Variants in ECHDC1 observed in about 807,000 individuals in gnomAD.
ECHDC1 encodes the protein ethylmalonyl-CoA decarboxylase 1.
In ECHDC1, 29 loss-of-function variants were observed where a neutral mutation model predicts 29.7. The ratio of observed to expected loss-of-function variants is 0.98; its 90% CI spans 0.73 to 1.33. The LOEUF (loss-of-function observed/expected upper bound fraction) is 1.33, where lower values mean the gene tolerates loss of function less well. Among genes scored for constraint, ECHDC1 ranks in the 40% most tolerant of loss-of-function variants. The pLI, the probability that ECHDC1 is intolerant of heterozygous loss-of-function variation, is 0.00. For synonymous variants in ECHDC1, 126 were observed against 123.1 expected (o/e 1.02, Z -0.15); for missense variants, 328 against 350.0 (o/e 0.94, Z 0.50).
intron 1 of ECHDC1, among the ~76,000 whole-genome samples, chr6:127,340,253 C>T (rs1202557692): frequency 6.6e-6 from 1 of 152,206 alleles, no homozygotes; most frequent in African/African-American, 2.4e-5. Context: ...GATGCATTTT[C>T]TATAACTTTC....
At chr6:127,334,369 G>A (rs911927201) in intron 1 of ECHDC1, among the ~76,000 whole-genome samples, 1 of 151,950 alleles carries the variant, frequency 6.6e-6, no homozygotes, top group Non-Finnish European at 1.5e-5. Context: ...GTATGCAATG[G>A]CCCTCCAAAA....
chr6:127,306,030 AG>A (rs1320675532), intron 5 of ECHDC1, among the ~76,000 whole-genome samples: 1 of 151,580 alleles, frequency 6.6e-6, no homozygotes, highest in African/African-American at 2.4e-5. Context: ...AAAAAAAAAA[AG>A]ACCAAATGAT....
intron 5 of ECHDC1, among the ~76,000 whole-genome samples, chr6:127,308,736 A>C (rs1441421164): frequency 2.0e-5 from 3 of 152,158 alleles, no homozygotes; most frequent in Non-Finnish European, 4.4e-5. Flanking sequence ...TAGATTATAC[A>C]ATCTATGTCT....
In ECHDC1 at chr6:127,314,812, C is replaced by T; in HGVS notation, c.497+4G>A. ...GCAAGAAATTAATGAAATTTTCATCCTACCTGAAATCACATGCTGTAGTAA... is the reference window on the plus strand; with the variant it reads ...GCAAGAAATTAATGAAATTTTCATCTTACCTGAAATCACATGCTGTAGTAA... On this transcript the variant is annotated splice_donor_region_variant and intron_variant, in intron 5 of 5. Transcript: ENST00000454859. 1 of 1,596,638 alleles carries T rather than the reference C, an allele frequency of 6.3e-7. No individual in the cohort carries two copies. Among genetic ancestry groups the T allele is most frequent in the Admixed American group, 1.8e-5 (1 of 56,836 alleles).
intron 3 of ECHDC1, among the ~76,000 whole-genome samples, chr6:127,317,353 C>T (rs528462053): frequency 8.6e-5 from 13 of 151,892 alleles, no homozygotes; most frequent in Non-Finnish European, 1.8e-4. Context: ...TTGGAAGTCT[C>T]ATCTACTTCC....
chr6:127,330,664 G>C, intron 2 of ECHDC1, 145 bp downstream of exon 2: 2 of 635,132 alleles, frequency 3.1e-6, no homozygotes, highest in Non-Finnish European at 5.4e-6. Flanking sequence ...TCATATTACA[G>C]AGTTGTTGTT....
At chr6:127,293,425 T>C (rs2114550340) in intron 5 of ECHDC1, among the ~76,000 whole-genome samples, 1 of 152,256 alleles carries the variant, frequency 6.6e-6, no homozygotes. Flanking sequence ...ACTGCTGGGC[T>C]TGAAATCCTA....
rs80214753 is a variant in ECHDC1 at position 127,336,437 on chromosome 6, C to A, written c.-2-5407G>T. Among the ~76,000 whole-genome samples the A allele has an allele frequency of 5.2e-3, 784 of 152,200 alleles. 4 individuals carry two copies. Among genetic ancestry groups the A allele is most frequent in the African/African-American group, 0.018 (748 of 41,522 alleles). ...CTCTTTCCCTTATATAGCTCCATTACCCAAAACTGCAGTCTGGTTCAAAGA... is the reference window on the plus strand; with the variant it reads ...CTCTTTCCCTTATATAGCTCCATTAACCAAAACTGCAGTCTGGTTCAAAGA... On this transcript the variant is annotated intron_variant, in intron 1 of 5. Transcript: ENST00000454859.
intron 5 of ECHDC1, among the ~76,000 whole-genome samples, chr6:127,295,377 G>A (rs1011710760): frequency 1.3e-5 from 2 of 152,116 alleles, no homozygotes; most frequent in African/African-American, 4.8e-5. Flanking sequence ...CAGATAGGCA[G>A]GCTCTAAATT....
At chr6:127,335,340 TACCAAG>T (rs1229833642) in intron 1 of ECHDC1, among the ~76,000 whole-genome samples, 1 of 152,102 alleles carries the variant, frequency 6.6e-6, no homozygotes, top group Non-Finnish European at 1.5e-5. Context: ...ATATTGAAGA[TACCAAG>T]ACCTTTCTTA....
intron 1 of ECHDC1, among the ~76,000 whole-genome samples, chr6:127,337,130 A>T (rs1784497207): frequency 6.6e-6 from 1 of 152,202 alleles, no homozygotes. Flanking sequence ...CTAAGACAAG[A>T]AGAAAATATT....
chr6:127,291,295 T>TTA (rs35004473), intron 5 of ECHDC1, among the ~76,000 whole-genome samples: 2 of 145,694 alleles, frequency 1.4e-5, no homozygotes, highest in South Asian at 2.1e-4. Context: ...TTTTTTTTTT[T>TTA]AAGGAACTGG....
intron 5 of ECHDC1, among the ~76,000 whole-genome samples, chr6:127,293,228 G>T (rs879760075): frequency 3.3e-5 from 5 of 152,048 alleles, no homozygotes; most frequent in Admixed American, 1.3e-4. Context: ...ATTCTAAAAA[G>T]AAATTACCAA....
intron 5 of ECHDC1, 41 bp from the exon 6 acceptor site, chr6:127,290,318 G>A: frequency 6.4e-7 from 1 of 1,568,948 alleles, no homozygotes; most frequent in East Asian, 2.2e-5. Context: ...AACTCTCTCT[G>A]TATGCTCTAA....
chr6:127,326,047 T>C (rs533977010), intron 3 of ECHDC1, among the ~76,000 whole-genome samples: 16 of 152,210 alleles, frequency 1.1e-4, no homozygotes, highest in Admixed American at 3.3e-4. Context: ...AATCATACAG[T>C]AGAGTTTCAT....
chr6:127,306,228 T>G (rs1247138022), intron 5 of ECHDC1, among the ~76,000 whole-genome samples: 2 of 152,142 alleles, frequency 1.3e-5, no homozygotes, highest in African/African-American at 4.8e-5. Context: ...TATATAATGA[T>G]AAATGGGTCA....
intron 5 of ECHDC1, among the ~76,000 whole-genome samples, chr6:127,313,916 A>G (rs1782148500): frequency 6.6e-6 from 1 of 152,232 alleles, no homozygotes; most frequent in African/African-American, 2.4e-5. Context: ...TAAATATTTA[A>G]GGGAGATACT....
rs183511693 is a variant in ECHDC1, at chr6:127,310,113, G to A, written c.497+4703C>T. On this transcript the variant is annotated intron_variant, in intron 5 of 5. Transcript: ENST00000454859. The stretch of plus-strand genomic sequence containing the variant: ...AAAGGTAGTGTGGAGTTGGCAGGGG[G>A]ATGGGGATAGTTAATGGGTACAAAA... 8.4e-4 allele frequency among the ~76,000 whole-genome samples: 128 copies of A among 152,258 alleles called. 1 individual carries two copies. The East Asian group carries it at 0.022, about 26-fold the overall frequency.
At position 127,326,910 on chromosome 6, in the gene ECHDC1, A is replaced by T; in HGVS notation, c.363+92T>A. On this transcript the variant is annotated intron_variant, in intron 3 of 5. Coordinates refer to ENST00000454859, the MANE Select transcript of ECHDC1 (RefSeq NM_001002030.2). ...CCCATAATCCTTTGAAAGTTATTAA[A>T]GTCATCATAACCATTAGTAAAATAT... 6.5e-6 allele frequency: 9 copies of T among 1,385,062 alleles called. No individual in the cohort carries two copies. In the South Asian group the frequency reaches 1.0e-4, roughly 16 times the overall value. The allele number at this position is 1,385,062 out of a possible 1,614,324, so 85.8% of individuals were successfully genotyped here. A position where few individuals can be genotyped will look rare whatever the true frequency, so the allele number is the denominator to read the frequency against.
Sources: gnomAD v4.1 joint callset for allele counts (sites outside exome capture counted in the v4.1 genomes callset) on GRCh38, gnomAD v4.1.1 for gene constraint, MANE v1.5 for transcripts, NCBI Gene and HGNC (gene_info 2026-07-23, HGNC 2026-07-21) for gene names.